The following RNF38 variants were observed in gnomAD, a reference collection of about 807,000 sequenced individuals.
RNF38 encodes the protein ring finger protein 38.
In RNF38, 15 loss-of-function variants were observed where a neutral mutation model predicts 67.2. The ratio of observed to expected loss-of-function variants is 0.22; its 90% CI spans 0.15 to 0.34. The LOEUF (loss-of-function observed/expected upper bound fraction) is 0.34. Ranked by LOEUF, RNF38 falls within the 10% of genes least tolerant of loss-of-function variation. The pLI is 1.00. For synonymous variants in RNF38, 220 were observed against 218.8 expected (o/e 1.01, Z -0.05); for missense variants, 524 against 639.9 (o/e 0.82, Z 1.95).
chr9:36,482,064 T>G (rs2134455189), intron 1 of RNF38, among the ~76,000 whole-genome samples: 1 of 150,554 alleles, frequency 6.6e-6, no homozygotes, highest in South Asian at 2.1e-4. Flanking sequence ...TTTTTTTTTT[T>G]TTTTTTGAGA....
intron 6 of RNF38, among the ~76,000 whole-genome samples, chr9:36,354,884 C>T (rs1833986621): frequency 6.6e-6 from 1 of 152,178 alleles, no homozygotes; most frequent in South Asian, 2.1e-4. Flanking sequence ...CCTATGCATG[C>T]TTGAGAGAAA....
chr9:36,433,090 T>A (rs144700469), intron 1 of RNF38, among the ~76,000 whole-genome samples: 43 of 147,844 alleles, frequency 2.9e-4, no homozygotes, highest in African/African-American at 1.1e-3. Flanking sequence ...ATATTCACAG[T>A]GGAGATAAGA....
At chr9:36,427,813 C>T (rs755707278) in intron 1 of RNF38, among the ~76,000 whole-genome samples, 5 of 151,778 alleles carry the variant, frequency 3.3e-5, no homozygotes, top group African/African-American at 7.3e-5. Context: ...CGGGTTCAAG[C>T]GATTATCCTG....
intron 1 of RNF38, among the ~76,000 whole-genome samples, chr9:36,427,708 TAC>T (rs1838813042): frequency 1.3e-5 from 2 of 150,656 alleles, no homozygotes; most frequent in African/African-American, 4.9e-5. Context: ...TCTATCTACC[TAC>T]CTATCTATTA....
intron 1 of RNF38, among the ~76,000 whole-genome samples, chr9:36,473,546 C>T (rs1406865986): frequency 2.6e-5 from 4 of 151,882 alleles, no homozygotes; most frequent in Non-Finnish European, 5.9e-5. Flanking sequence ...CAAGATTGCA[C>T]CACTGCACAC....
intron 3 of RNF38, among the ~76,000 whole-genome samples, chr9:36,371,930 TTTTC>T (rs1452119113): frequency 2.0e-5 from 3 of 149,736 alleles, no homozygotes; most frequent in Non-Finnish European, 4.4e-5. Context: ...TCACTTTTTC[TTTTC>T]TTTTTTTTTT....
intron 9 of RNF38, among the ~76,000 whole-genome samples, chr9:36,346,215 CT>C (rs914070299): frequency 1.5e-4 from 23 of 151,722 alleles, no homozygotes; most frequent in African/African-American, 5.6e-4. Context: ...TTATTATGCC[CT>C]TTTTTTTGAG....
At chr9:36,460,564 C>T (rs573905148) in intron 1 of RNF38, among the ~76,000 whole-genome samples, 4 of 152,160 alleles carry the variant, frequency 2.6e-5, no homozygotes, top group Admixed American at 6.6e-5. Context: ...GAAGCAGCAA[C>T]TAGCTTAATC....
chr9:36,356,353 A>T lies in RNF38; in HGVS notation c.859T>A (p.Leu287Met), dbSNP rs1339185057. The T allele has an allele frequency of 6.2e-7, 1 of 1,614,024 alleles. No individual in the cohort carries two copies. The highest frequency in any genetic ancestry group is 2.2e-5 in the East Asian group (1 of 44,870). The change falls in exon 6 of 12, where the codon TTG becomes ATG. Residue 287 changes from leucine (L) to methionine (M), a missense_variant. Coordinates refer to ENST00000259605, the MANE Select transcript of RNF38 (RefSeq NM_022781.5). ...GGGACAAACTGGCCTGGTGGTGGCA[A>T]ATGAGGAGGATGATGGGGAGAAAGG... ...PHLSPHHPPH[L>M]PPPGQFVPFQ...
At chr9:36,429,060 C>G (rs958645529) in intron 1 of RNF38, among the ~76,000 whole-genome samples, 1 of 152,166 alleles carries the variant, frequency 6.6e-6, no homozygotes, top group African/African-American at 2.4e-5. Context: ...ACACAAGGTC[C>G]CTGCTCTTCA....
chr9:36,353,122 G>C, intron 7 of RNF38, 48 bp downstream of exon 7: 1 of 1,483,176 alleles, frequency 6.7e-7, no homozygotes, highest in Non-Finnish European at 9.4e-7. Flanking sequence ...CTCAGAACAA[G>C]TAAGTTGCCA....
At chr9:36,348,304 A>C (rs1024626689) in intron 9 of RNF38, among the ~76,000 whole-genome samples, 2 of 152,106 alleles carry the variant, frequency 1.3e-5, no homozygotes, top group Non-Finnish European at 2.9e-5. Context: ...CTGAAAGAAA[A>C]AAAAAAAAAT....
At chr9:36,441,884 T>C (rs962187286) in intron 1 of RNF38, among the ~76,000 whole-genome samples, 1 of 152,216 alleles carries the variant, frequency 6.6e-6, no homozygotes, top group Non-Finnish European at 1.5e-5. Flanking sequence ...AGAAAGATTA[T>C]TTTCTAGTAT....
At chr9:36,483,092 TAAG>T (rs1443429415) in intron 1 of RNF38, among the ~76,000 whole-genome samples, 3 of 152,064 alleles carry the variant, frequency 2.0e-5, no homozygotes, top group Non-Finnish European at 4.4e-5. Context: ...GCAGCACCGT[TAAG>T]AAGTGTACCG....
chr9:36,479,017 G>C (rs922397258), intron 1 of RNF38, among the ~76,000 whole-genome samples: 8 of 152,088 alleles, frequency 5.3e-5, no homozygotes, highest in African/African-American at 1.4e-4. Flanking sequence ...GCTCAGTCTT[G>C]TCCTTTTTTA....
chr9:36,378,882 G>A (rs1330268834), intron 2 of RNF38, among the ~76,000 whole-genome samples: 4 of 150,206 alleles, frequency 2.7e-5, no homozygotes, highest in Non-Finnish European at 5.9e-5. Flanking sequence ...ATTCATTAGA[G>A]TACTTACTAC....
chr9:36,427,190 G>T (rs759491861), intron 1 of RNF38, among the ~76,000 whole-genome samples: 3 of 152,136 alleles, frequency 2.0e-5, no homozygotes, highest in Admixed American at 6.5e-5. Flanking sequence ...CTGACTCATG[G>T]CAAGTACTAA....
upstream of RNF38, chr9:36,400,766 G>C (rs1045590044): frequency 1.0e-6 from 1 of 985,464 alleles, no homozygotes; most frequent in Non-Finnish European, 1.2e-6. Context: ...AGGAAACGAC[G>C]GCTGCACGCC....
chr9:36,364,005 GT>G (rs1834753863), intron 4 of RNF38, among the ~76,000 whole-genome samples: 2 of 92,508 alleles, frequency 2.2e-5, no homozygotes, highest in African/African-American at 3.2e-5. Context: ...TAACTTTCGT[GT>G]TTTTAGTAGA....
Sources: allele counts gnomAD v4.1 joint callset (sites outside exome capture counted in the v4.1 genomes callset), GRCh38; gene constraint gnomAD v4.1.1; transcripts MANE v1.5; gene names NCBI Gene and HGNC (gene_info 2026-07-23, HGNC 2026-07-21).